The following SI variants were observed in gnomAD, a reference collection of about 807,000 sequenced individuals.
SI encodes sucrase-isomaltase.
SI carries 235 observed loss-of-function variants against 253.3 expected under a neutral mutation model. That is an observed-to-expected ratio of 0.93 (90% CI 0.83 to 1.03). SI has a LOEUF of 1.03. Ranked by LOEUF, SI falls within the 50% of genes least tolerant of loss-of-function variation. The probability of loss-of-function intolerance (pLI) is 0.00; values close to 1 mark genes in which losing one functional copy is unlikely to be tolerated. For synonymous variants in SI, 819 were observed against 712.0 expected (o/e 1.15, Z -2.39); for missense variants, 2,442 against 2,211.1 (o/e 1.10, Z -2.09).
Position 165,016,089 on chromosome 3 carries a change from T to A in SI, c.3760-9A>T. 6.2e-7 allele frequency: 1 copy of A among 1,612,072 alleles called. No individual in the cohort carries two copies. The highest frequency in any genetic ancestry group is 2.2e-5 in the East Asian group (1 of 44,758). On this transcript the variant is annotated splice_polypyrimidine_tract_variant and intron_variant, in intron 31 of 47. Transcript: ENST00000264382. Reference sequence around the variant, plus strand: ...TCTGTGTACTGAACATCCTGAAATATCCAAAAATTATCAAAGTAGGGCAAA... The same window carrying A: ...TCTGTGTACTGAACATCCTGAAATAACCAAAAATTATCAAAGTAGGGCAAA...
intron 27 of SI, 129 bp downstream of exon 27, chr3:165,021,100 T>C (rs1711583784): frequency 1.3e-6 from 1 of 753,882 alleles, no homozygotes; most frequent in Non-Finnish European, 2.2e-6. Flanking sequence ...ATGGGCAAAG[T>C]TATTTAACAC....
chr3:165,012,467 C>T lies in SI; in HGVS notation c.4062+513G>A, dbSNP rs1047435575. Among the ~76,000 whole-genome samples the T allele has an allele frequency of 5.3e-5, 8 of 152,082 alleles. No homozygotes were observed. In the East Asian group the frequency reaches 1.5e-3, roughly 29 times the overall value. On this transcript the variant is annotated intron_variant, in intron 34 of 47. Transcript: ENST00000264382. ...TTTTTGAGATGGAGTCTCGCTCTGT[C>T]ACCCAGGCTGGAGTGCAGTGGTGCG...
chr3:164,992,282 T>A, intron 42 of SI, 31 bp downstream of exon 42: 1 of 1,612,080 alleles, frequency 6.2e-7, no homozygotes, highest in Admixed American at 1.7e-5. Context: ...CAAAGAAAAT[T>A]GTGTAAACAA....
At chr3:165,006,353 G>A (rs1013283043) in intron 37 of SI, among the ~76,000 whole-genome samples, 7 of 151,854 alleles carry the variant, frequency 4.6e-5, no homozygotes, top group African/African-American at 9.7e-5. Flanking sequence ...CAATTGATCC[G>A]CCCGCCTCAG....
In SI at chr3:164,992,316, T is replaced by C; in HGVS notation, c.4923A>G (p.Glu1641=). The change falls in exon 42 of 48, where the codon GAA becomes GAG. Residue 1641 remains glutamate (E), a synonymous_variant. Transcript: ENST00000264382. ...AAAAATATGTGGTAGGACTTACAGG[T>C]TCCAGTACTGGGGTAACCATAAATG... is the stretch of plus-strand genomic sequence containing the variant. The part of the protein sequence containing the change: ...GPAFMVTPVL[E]PYVQTVNAYV... The C allele has an allele frequency of 6.2e-7, 1 of 1,613,162 alleles. No homozygotes were observed. The highest frequency in any genetic ancestry group is 1.1e-5 in the South Asian group (1 of 91,074).
intron 7 of SI, 97 bp downstream of exon 7, chr3:165,065,164 T>C (rs374780757): frequency 5.1e-6 from 4 of 782,654 alleles, no homozygotes; most frequent in Non-Finnish European, 6.5e-6. Context: ...AATAGTTTAG[T>C]TGATCAGTTA....
At chr3:164,996,828 TG>T (rs1177338173) in intron 38 of SI, 56 bp from the exon 39 acceptor site, 1 of 817,136 alleles carries the variant, frequency 1.2e-6, no homozygotes, top group Non-Finnish European at 1.9e-6. Context: ...ATTTTAATAT[TG>T]TTTTTTATTT....
intron 16 of SI, 21 bp downstream of exon 16, chr3:165,046,820 C>T: frequency 6.3e-7 from 1 of 1,581,082 alleles, no homozygotes; most frequent in Non-Finnish European, 8.7e-7. Context: ...TTATGAGTAA[C>T]ACTCTATGAA....
intron 18 of SI, 35 bp from the exon 19 acceptor site, chr3:165,040,006 G>GA: frequency 6.6e-7 from 1 of 1,505,318 alleles, no homozygotes; most frequent in Non-Finnish European, 9.2e-7. Context: ...GTATAATAAT[G>GA]AAAAAATAAG....
chr3:165,075,986 CA>C lies in SI; in HGVS notation c.26del (p.Leu9TrpfsTer5), dbSNP rs2108117969. 1 of 1,589,520 alleles carries C rather than the reference CA, an allele frequency of 6.3e-7. No individual in the cohort carries two copies. The highest frequency in any genetic ancestry group is 2.3e-5 in the East Asian group (1 of 44,430). On this transcript the variant is annotated frameshift_variant, in exon 2 of 48. Transcript: ENST00000264382. LOFTEE classifies it high-confidence loss of function. ...CAAAAAGGACAATCAGAGAGATTTCCAATCCACTAAATTTCTTTCTTGCCAT... is the reference window on the plus strand; with the variant it reads ...CAAAAAGGACAATCAGAGAGATTTCCATCCACTAAATTTCTTTCTTGCCAT... Reference protein sequence around the residue: MARKKFSGLEISLIVLFVI... With the variant: MARKKFSGXEISLIVLFVI...
chr3:165,059,243 A>T lies in SI; in HGVS notation c.1203T>A (p.Asp401Glu), dbSNP rs1052127296. The change falls in exon 11 of 48, where the codon GAT becomes GAA. Residue 401 changes from aspartate (D) to glutamate (E), a missense_variant. Asp to Glu is a conservative substitution (Grantham distance 45). Coordinates refer to ENST00000264382, the MANE Select transcript of SI (RefSeq NM_001041.4). Reference sequence around the variant, plus strand: ...GAGGGAGTCCGTTAAACGCAACTTGATCATAAGTAAAGTCTTTCTTGTCTT... The same window carrying T: ...GAGGGAGTCCGTTAAACGCAACTTGTTCATAAGTAAAGTCTTTCTTGTCTT... ...YMEDKKDFTY[D>E]QVAFNGLPQF... 6.2e-7 allele frequency: 1 copy of T among 1,612,620 alleles called. No individual in the cohort carries two copies. Among genetic ancestry groups the T allele is most frequent in the Non-Finnish European group, 8.5e-7 (1 of 1,179,164 alleles).
chr3:165,080,101 C>T (rs546123977), upstream of SI, among the ~76,000 whole-genome samples: 6 of 152,060 alleles, frequency 3.9e-5, no homozygotes, highest in East Asian at 1.2e-3. Flanking sequence ...CTGGCATATC[C>T]ATACAATAGC....
intron 19 of SI, among the ~76,000 whole-genome samples, chr3:165,039,478 A>AT (rs1438157054): frequency 1.3e-5 from 2 of 152,098 alleles, no homozygotes; most frequent in African/African-American, 4.8e-5. Flanking sequence ...ATAGGTAATA[A>AT]TTACCAACCC....
intron 37 of SI, among the ~76,000 whole-genome samples, chr3:165,004,298 A>T (rs1289842862): frequency 6.6e-6 from 1 of 152,172 alleles, no homozygotes; most frequent in Non-Finnish European, 1.5e-5. Context: ...GACAGCCAGT[A>T]ACAAATGCTG....
intron 9 of SI, among the ~76,000 whole-genome samples, chr3:165,061,554 T>G (rs1266352444): frequency 6.6e-6 from 1 of 152,018 alleles, no homozygotes; most frequent in East Asian, 1.9e-4. Context: ...TAATCAATTA[T>G]CTTTTGAGAT....
Position 165,032,643 on chromosome 3 carries a change from G to T in SI, c.2615C>A (p.Thr872Asn), listed in dbSNP as rs1248695401. ...GATTTTTACAGTCTGAAATGCTAAG[G>T]TAGTTCCTTCCTGATATGATGAATG... ...CTHSSYQEGT[T>N]LAFQTVKILG... The change falls in exon 24 of 48, where the codon ACC becomes AAC. Residue 872 changes from threonine (T) to asparagine (N), a missense_variant. Coordinates refer to ENST00000264382, the MANE Select transcript of SI (RefSeq NM_001041.4). The T allele has an allele frequency of 6.2e-7, 1 of 1,607,970 alleles. No individual in the cohort carries two copies. Among genetic ancestry groups the T allele is most frequent in the East Asian group, 2.2e-5 (1 of 44,590 alleles).
chr3:165,083,710 T>C, the SI span, among the ~76,000 whole-genome samples: 1 of 152,032 alleles, frequency 6.6e-6, no homozygotes, highest in East Asian at 1.9e-4. Flanking sequence ...AAGTTCTTAG[T>C]TGGATTATGT....
Position 164,998,522 on chromosome 3 carries a change from A to T in SI, c.4540+18T>A. On this transcript the variant is annotated intron_variant, in intron 38 of 47. Coordinates refer to ENST00000264382, the MANE Select transcript of SI (RefSeq NM_001041.4). ...TAGAAAACACAAAATAATAATAAAGATGGTGACTTTCACTTACCAATGATT... is the reference window on the plus strand; with the variant it reads ...TAGAAAACACAAAATAATAATAAAGTTGGTGACTTTCACTTACCAATGATT... 1.9e-6 allele frequency: 3 copies of T among 1,610,552 alleles called. No homozygotes were observed. The highest frequency in any genetic ancestry group is 2.5e-6 in the Non-Finnish European group (3 of 1,177,402).
At chr3:165,010,761 C>T (rs1431705773) in intron 34 of SI, among the ~76,000 whole-genome samples, 2 of 152,110 alleles carry the variant, frequency 1.3e-5, no homozygotes, top group Non-Finnish European at 2.9e-5. Context: ...TGTAATCCAA[C>T]ACTGTTGATA....
Sources: allele counts gnomAD v4.1 joint callset (sites outside exome capture counted in the v4.1 genomes callset), GRCh38; gene constraint gnomAD v4.1.1; transcripts MANE v1.5; gene names NCBI Gene and HGNC (gene_info 2026-07-23, HGNC 2026-07-21).